ADGRE3: variants seen among roughly 807,000 people sequenced by gnomAD.
The protein encoded by ADGRE3 is EGF-like module receptor 3.
Under a neutral mutation model 80.1 loss-of-function variants are expected in ADGRE3, and 88 were observed. The ratio of observed to expected loss-of-function variants is 1.10; its 90% CI spans 0.93 to 1.31. The LOEUF (loss-of-function observed/expected upper bound fraction) is 1.31. ADGRE3 is among the 40% of genes most tolerant of loss of function. ADGRE3 has a pLI of 0.00. For synonymous variants in ADGRE3, 281 were observed against 294.8 expected (o/e 0.95, Z 0.48); for missense variants, 715 against 776.5 (o/e 0.92, Z 0.94).
chr19:14,607,412 C>G, the ADGRE3 span, among the ~76,000 whole-genome samples: 102 of 151,658 alleles, frequency 6.7e-4, 1 homozygote, highest in African/African-American at 2.2e-3. Flanking sequence ...ACCGTGTTAG[C>G]CAGGATGGTC....
chr19:14,636,075 C>T lies in ADGRE3; in HGVS notation c.1484+2030G>A, dbSNP rs1423559836. 1.5e-3 allele frequency among the ~76,000 whole-genome samples: 108 copies of T among 70,570 alleles called. 2 individuals are homozygous for T. The highest frequency in any genetic ancestry group is 6.2e-3 in the Middle Eastern group (1 of 162). The allele number at this position is 70,570 out of a possible 152,430, so 46.3% of individuals were successfully genotyped here. ...TTCCTTCCTTCCTTTCCTTTCCTTT[C>T]CTTTCCCTTTCTTTCTTTCTTTCTT... On this transcript the variant is annotated intron_variant, in intron 11 of 15. Transcript: ENST00000253673.
At chr19:14,667,392 C>A (rs1194228288) in intron 2 of ADGRE3, among the ~76,000 whole-genome samples, 2 of 150,988 alleles carry the variant, frequency 1.3e-5, no homozygotes, top group Admixed American at 6.6e-5. Context: ...ATGAAATTTA[C>A]CATCTTAGTG....
At chr19:14,649,262 ATCTCTTTCTTTCCATC>A (rs1971512270) in intron 7 of ADGRE3, among the ~76,000 whole-genome samples, 1 of 109,730 alleles carries the variant, frequency 9.1e-6, no homozygotes, top group Non-Finnish European at 1.8e-5. Context: ...TTCTCTCCCC[ATCTCTTTCTTTCCATC>A]TCTCCATCTC....
At chr19:14,620,556 A>ATG (rs1278165389) in intron 15 of ADGRE3, among the ~76,000 whole-genome samples, 1 of 21,980 alleles carries the variant, frequency 4.5e-5, no homozygotes, top group Non-Finnish European at 8.1e-5. Context: ...TATTATATAT[A>ATG]TATATATATA....
At position 14,619,371 on chromosome 19, in the gene ADGRE3, T is replaced by C. The variant is rs1038569985; in HGVS notation, c.*62A>G. 8.2e-7 allele frequency: 1 copy of C among 1,216,560 alleles called. No individual in the cohort carries two copies. 75.4% of individuals were successfully genotyped at this position (1,216,560 alleles called of 1,614,324 possible). A position where few individuals can be genotyped will look rare whatever the true frequency, so the allele number is the denominator to read the frequency against. Reference sequence around the variant, plus strand: ...TGAATTCCCTTTTCCTTAGCTTCATTCTTCATAATGCCAAAGAGATCCATG... The same window carrying C: ...TGAATTCCCTTTTCCTTAGCTTCATCCTTCATAATGCCAAAGAGATCCATG... On this transcript the variant is annotated 3_prime_UTR_variant, in exon 16 of 16. Transcript: ENST00000253673.
Position 14,638,229 on chromosome 19 carries a change from C to G in ADGRE3, c.1360G>C (p.Val454Leu). ...AGTCTATTGATGCTTGAGTAGTTGA[C>G]CACTGTCAGGTTCCGTGCAGTGAGG... Reference protein sequence around the residue: ...LFLTARNLTVVNYSSINRLMK... With the variant: ...LFLTARNLTVLNYSSINRLMK... Residue 454 changes from valine to leucine, a missense_variant, in exon 11 of 16, where the codon GTC (valine) becomes CTC (leucine). Transcript: ENST00000253673. 1 of 1,614,038 alleles carries G rather than the reference C, an allele frequency of 6.2e-7. No individual in the cohort carries two copies. The highest frequency in any genetic ancestry group is 1.7e-5 in the Admixed American group (1 of 60,000).
downstream of ADGRE3, among the ~76,000 whole-genome samples, chr19:14,617,278 GTTCT>G (rs796877113): frequency 2.4e-4 from 29 of 118,972 alleles, no homozygotes; most frequent in African/African-American, 8.2e-4. Flanking sequence ...TTTCTTTTTC[GTTCT>G]TTCTCTTTCT....
intron 1 of ADGRE3, among the ~76,000 whole-genome samples, chr19:14,671,507 C>G (rs1052250008): frequency 6.6e-6 from 1 of 152,124 alleles, no homozygotes; most frequent in Admixed American, 6.6e-5. Flanking sequence ...CAGGGTACTA[C>G]CCCCATATTA....
chr19:14,673,472 A>G (rs1188237393), intron 1 of ADGRE3, among the ~76,000 whole-genome samples: 4 of 152,224 alleles, frequency 2.6e-5, no homozygotes, highest in Admixed American at 2.6e-4. Flanking sequence ...GGAGATTCCC[A>G]TAGGGAGAGG....
chr19:14,620,555 T>TATATA (rs1970561564), intron 15 of ADGRE3, among the ~76,000 whole-genome samples: 1 of 29,070 alleles, frequency 3.4e-5, no homozygotes, highest in South Asian at 1.4e-3. Context: ...ATATTATATA[T>TATATA]ATATATATAT....
At chr19:14,601,737 C>A in the ADGRE3 span, among the ~76,000 whole-genome samples, 4 of 152,092 alleles carry the variant, frequency 2.6e-5, no homozygotes, top group Non-Finnish European at 5.9e-5. Flanking sequence ...TTTCGCCTCA[C>A]CCTCCTGAGT....
At chr19:14,628,682 G>A in intron 14 of ADGRE3, 1 of 386,640 alleles carries the variant, frequency 2.6e-6, no homozygotes. Flanking sequence ...GGTTTGAGAT[G>A]TGAGTTGCAA....
intron 5 of ADGRE3, among the ~76,000 whole-genome samples, chr19:14,658,116 A>G (rs1340580727): frequency 6.6e-6 from 1 of 152,012 alleles, no homozygotes; most frequent in Non-Finnish European, 1.5e-5. Context: ...TCCTCGTGTA[A>G]GTGGATCCCC....
At position 14,643,004 on chromosome 19, in the gene ADGRE3, A is replaced by C. The variant is rs577893308; in HGVS notation, c.1050+1104T>G. On this transcript the variant is annotated intron_variant, in intron 9 of 15. Coordinates refer to ENST00000253673, the MANE Select transcript of ADGRE3 (RefSeq NM_032571.5). ...GTTTTCAGCTCTTTGAGAAAGTGAC[A>C]TGCTGCTTTCCACAATGGTTGAACC... Among the ~76,000 whole-genome samples, 6 of 152,286 alleles carry C rather than the reference A, an allele frequency of 3.9e-5. No individual in the cohort carries two copies. The South Asian group carries it at 1.2e-3, about 32-fold the overall frequency.
rs146112261 is a variant in ADGRE3, at chr19:14,659,192, A to G, written c.356-642T>C. Among the ~76,000 whole-genome samples the G allele has an allele frequency of 5.9e-3, 847 of 142,828 alleles. 27 individuals are homozygous for G. The East Asian group carries it at 0.098, about 17-fold the overall frequency. 93.7% of individuals were successfully genotyped at this position (142,828 alleles called of 152,430 possible). On this transcript the variant is annotated intron_variant, in intron 4 of 15. Coordinates refer to ENST00000253673, the MANE Select transcript of ADGRE3 (RefSeq NM_032571.5). ...TGGGACTGTAGGTGTGTACCACCAG[A>G]CCTGGCTAAATTTTTTTTTTTTGTA...
intron 3 of ADGRE3, among the ~76,000 whole-genome samples, chr19:14,662,408 C>T (rs369472123): frequency 1.2e-4 from 18 of 152,104 alleles, no homozygotes; most frequent in African/African-American, 1.7e-4. Context: ...CTTTTTGAGA[C>T]GGAGTCTTGC....
downstream of ADGRE3, among the ~76,000 whole-genome samples, chr19:14,617,341 C>CCTTTCTTTCTTT (rs1555752261): frequency 0.034 from 1,949 of 57,246 alleles, 60 homozygotes; most frequent in Non-Finnish European, 0.052. Context: ...TCCCTCCCTC[C>CCTTTCTTTCTTT]CTTTCTTTCT....
the ADGRE3 span, among the ~76,000 whole-genome samples, chr19:14,606,239 A>G: frequency 3.7e-4 from 56 of 152,212 alleles, no homozygotes; most frequent in African/African-American, 1.3e-3. Flanking sequence ...AGACGTCCAC[A>G]GTATGAGGCT....
At chr19:14,650,719 C>T (rs1278308981) in intron 7 of ADGRE3, among the ~76,000 whole-genome samples, 1 of 144,518 alleles carries the variant, frequency 6.9e-6, no homozygotes, top group Non-Finnish European at 1.5e-5. Flanking sequence ...CTACACTCTT[C>T]AGCTCTTTAG....
Sources: gnomAD v4.1 joint callset for allele counts (sites outside exome capture counted in the v4.1 genomes callset) on GRCh38, gnomAD v4.1.1 for gene constraint, MANE v1.5 for transcripts, NCBI Gene and HGNC (gene_info 2026-07-23, HGNC 2026-07-21) for gene names.